Variants in VEPH1 observed in about 807,000 individuals in gnomAD.
VEPH1 encodes ventricular zone expressed PH domain containing 1.
In VEPH1, 80 loss-of-function variants were observed where a neutral mutation model predicts 85.2. That is an observed-to-expected ratio of 0.94 (90% CI 0.78 to 1.13). The LOEUF is 1.13. VEPH1 is among the 50% of genes most tolerant of loss of function. VEPH1 has a pLI of 0.00. For missense variants in VEPH1, 955 were observed against 980.5 expected (o/e 0.97, Z 0.35); for synonymous variants, 297 against 348.0 (o/e 0.85, Z 1.63).
Position 157,313,608 on chromosome 3 carries a change from AAGGAATATTTACCTTCTGCTG to A in VEPH1, c.2002_2010+12del. On this transcript the variant is annotated splice_donor_variant and splice_donor_5th_base_variant and coding_sequence_variant and intron_variant, in exon 11 of 14. Transcript: ENST00000362010. LOFTEE classifies it high-confidence loss of function. ...TCTTGGCCTGTAACATGGCCAAGGA[AAGGAATATTTACCTTCTGCTG>A]TGGAAACGTGGACTCCATCATGGCA... 6.2e-7 allele frequency: 1 copy of A among 1,613,138 alleles called. No homozygotes were observed. The highest frequency in any genetic ancestry group is 8.5e-7 in the Non-Finnish European group (1 of 1,179,338).
chr3:157,356,840 G>A (rs1283300413), intron 9 of VEPH1, among the ~76,000 whole-genome samples: 1 of 152,184 alleles, frequency 6.6e-6, no homozygotes, highest in Non-Finnish European at 1.5e-5. Context: ...GGATTGGAAT[G>A]TACTCTTCTG....
intron 6 of VEPH1, among the ~76,000 whole-genome samples, chr3:157,385,357 T>C (rs1250881648): frequency 1.3e-5 from 2 of 152,132 alleles, no homozygotes; most frequent in Non-Finnish European, 2.9e-5. Context: ...ATAAATACTC[T>C]GTATATACAA....
chr3:157,369,179 T>TAAA (rs1560000948), intron 7 of VEPH1, among the ~76,000 whole-genome samples: 1,075 of 15,040 alleles, frequency 0.071, 39 homozygotes, highest in Non-Finnish European at 0.11. Context: ...AAAAACCAAA[T>TAAA]GAAAAAAAAA....
intron 11 of VEPH1, among the ~76,000 whole-genome samples, chr3:157,297,337 G>A (rs1718257831): frequency 6.6e-6 from 1 of 152,076 alleles, no homozygotes; most frequent in South Asian, 2.1e-4. Context: ...TCAAACCTAG[G>A]AGCGCTGGAT....
chr3:157,437,503 C>G (rs1324225965), intron 4 of VEPH1: 1 of 1,599,560 alleles, frequency 6.3e-7, no homozygotes, highest in East Asian at 2.3e-5. Flanking sequence ...GTGTGTATCC[C>G]GTACTCTAGC....
chr3:157,386,877 T>C (rs1011500900), intron 6 of VEPH1, among the ~76,000 whole-genome samples: 4 of 152,220 alleles, frequency 2.6e-5, no homozygotes, highest in Non-Finnish European at 5.9e-5. Flanking sequence ...ACAGTGAAAA[T>C]GGTAAATAAT....
At chr3:157,500,015 G>A (rs1249292461) in intron 1 of VEPH1, among the ~76,000 whole-genome samples, 1 of 152,110 alleles carries the variant, frequency 6.6e-6, no homozygotes, top group African/African-American at 2.4e-5. Flanking sequence ...TGAAGTATGC[G>A]GGAAGTTGCT....
intron 9 of VEPH1, among the ~76,000 whole-genome samples, chr3:157,362,041 T>G (rs901204036): frequency 2.0e-5 from 3 of 152,022 alleles, no homozygotes; most frequent in Non-Finnish European, 2.9e-5. Context: ...ATTTTTTTTT[T>G]GGGTGGGGGG....
chr3:157,273,260 AG>A (rs1309305038), intron 12 of VEPH1, among the ~76,000 whole-genome samples: 1 of 152,236 alleles, frequency 6.6e-6, no homozygotes, highest in African/African-American at 2.4e-5. Flanking sequence ...ACCATGCACT[AG>A]GCACATGCCA....
At chr3:157,405,131 T>C (rs1436148267) in intron 6 of VEPH1, among the ~76,000 whole-genome samples, 1 of 152,144 alleles carries the variant, frequency 6.6e-6, no homozygotes, top group African/African-American at 2.4e-5. Flanking sequence ...TTTCTGGAGT[T>C]TGATCCTGGT....
chr3:157,382,611 T>C (rs1403705140), intron 6 of VEPH1, among the ~76,000 whole-genome samples: 3 of 152,178 alleles, frequency 2.0e-5, no homozygotes, highest in African/African-American at 7.2e-5. Context: ...TATGTATAAA[T>C]ATAAATAAAT....
intron 7 of VEPH1, among the ~76,000 whole-genome samples, chr3:157,375,701 C>G (rs1233845744): frequency 6.6e-6 from 1 of 152,154 alleles, no homozygotes; most frequent in Non-Finnish European, 1.5e-5. Context: ...TTCCTTCCCT[C>G]CTTTGTATCA....
At chr3:157,445,518 G>A (rs1734480495) in intron 4 of VEPH1, among the ~76,000 whole-genome samples, 1 of 152,224 alleles carries the variant, frequency 6.6e-6, no homozygotes, top group South Asian at 2.1e-4. Flanking sequence ...CTACTCGGGA[G>A]GCTGAGGCAG....
intron 6 of VEPH1, 42 bp downstream of exon 6, chr3:157,413,839 C>T: frequency 6.3e-7 from 1 of 1,590,666 alleles, no homozygotes; most frequent in Non-Finnish European, 8.6e-7. Context: ...GATTAAGTGC[C>T]AGTGCAATTC....
intron 2 of VEPH1, among the ~76,000 whole-genome samples, chr3:157,487,108 TA>T (rs1302693736): frequency 1.3e-5 from 2 of 151,284 alleles, no homozygotes; most frequent in Admixed American, 6.6e-5. Flanking sequence ...TTGAGGAGAC[TA>T]AAAAAAAGAA....
chr3:157,430,444 T>G (rs962806229), intron 4 of VEPH1, among the ~76,000 whole-genome samples: 1 of 152,254 alleles, frequency 6.6e-6, no homozygotes, highest in African/African-American at 2.4e-5. Flanking sequence ...TGTATAAATA[T>G]GCAACAACTT....
chr3:157,289,218 C>T (rs1455036399), intron 11 of VEPH1, among the ~76,000 whole-genome samples: 1 of 152,212 alleles, frequency 6.6e-6, no homozygotes, highest in East Asian at 1.9e-4. Context: ...ATTTTTCATT[C>T]ACCACAAACA....
chr3:157,290,563 G>A (rs1319921597), intron 11 of VEPH1, among the ~76,000 whole-genome samples: 2 of 152,064 alleles, frequency 1.3e-5, no homozygotes, highest in Non-Finnish European at 2.9e-5. Context: ...TCTACTTAGA[G>A]GAGTCACATT....
intron 4 of VEPH1, among the ~76,000 whole-genome samples, chr3:157,452,658 A>G (rs1392642450): frequency 7.2e-6 from 1 of 139,652 alleles, no homozygotes; most frequent in Non-Finnish European, 1.5e-5. Flanking sequence ...CATTGTCTAA[A>G]CATCTATATG....
Sources: gnomAD v4.1 joint callset for allele counts (sites outside exome capture counted in the v4.1 genomes callset) on GRCh38, gnomAD v4.1.1 for gene constraint, MANE v1.5 for transcripts, NCBI Gene and HGNC (gene_info 2026-07-23, HGNC 2026-07-21) for gene names.